Variants in TMEM144 observed in about 807,000 individuals in gnomAD.
TMEM144 encodes the protein transmembrane protein 144.
A neutral mutation model predicts 43.6 loss-of-function variants in TMEM144; 39 were observed. The observed-to-expected ratio is 0.90, with a 90% confidence interval of 0.69 to 1.17. The LOEUF is 1.17. TMEM144 is among the 50% of genes most tolerant of loss of function. TMEM144 has a pLI of 0.00. For missense variants in TMEM144, 417 were observed against 411.9 expected (o/e 1.01, Z -0.11); for synonymous variants, 154 against 133.6 (o/e 1.15, Z -1.06).
At chr4:158,250,285 T>G (rs1736139211) in intron 12 of TMEM144, among the ~76,000 whole-genome samples, 1 of 150,584 alleles carries the variant, frequency 6.6e-6, no homozygotes, top group South Asian at 2.1e-4. Flanking sequence ...AGACCTTTCC[T>G]TGGCAGTTTT....
Position 158,255,297 on chromosome 4 carries a change from T to C in TMEM144, c.*1770T>C, listed in dbSNP as rs1736425778. ...TGTGATACAAAAGCTATTTTTCTCA[T>C]TTAAATATATTTTAGAATTTTATAT... On this transcript the variant is annotated 3_prime_UTR_variant, in exon 13 of 13. Transcript: ENST00000296529. 2 of 151,826 alleles carry C rather than the reference T, an allele frequency of 1.3e-5. No homozygotes were observed. Among genetic ancestry groups the C allele is most frequent in the African/African-American group, 4.8e-5 (2 of 41,406 alleles). The allele number at this position is 151,826 out of a possible 1,614,324, so 9.4% of individuals were successfully genotyped here. A position where few individuals can be genotyped will look rare whatever the true frequency, so the allele number is the denominator to read the frequency against.
chr4:158,244,208 T>C, intron 11 of TMEM144, 88 bp from the exon 12 acceptor site: 1 of 959,100 alleles, frequency 1.0e-6, no homozygotes, highest in Non-Finnish European at 1.5e-6. Context: ...TGAAAATATG[T>C]TTATACTGTC....
rs990600356 is a variant in TMEM144 at position 158,254,520 on chromosome 4, G to A, written c.*993G>A. 4 of 150,868 alleles carry A rather than the reference G, an allele frequency of 2.7e-5. No homozygotes were observed. The highest frequency in any genetic ancestry group is 1.3e-4 in the Admixed American group (2 of 15,138). 9.3% of individuals were successfully genotyped at this position (150,868 alleles called of 1,614,324 possible). On this transcript the variant is annotated 3_prime_UTR_variant, in exon 13 of 13. Transcript: ENST00000296529. ...CTACTATAATCCCAGCTGCTGGGGCGGCTGAAGTAGGAGGGTCACTTAGCC... is the reference window on the plus strand; with the variant it reads ...CTACTATAATCCCAGCTGCTGGGGCAGCTGAAGTAGGAGGGTCACTTAGCC...
rs1735936071 is a variant in TMEM144 at position 158,247,248 on chromosome 4, A to C, written c.954+2899A>C. On this transcript the variant is annotated intron_variant, in intron 12 of 12. Transcript: ENST00000296529. ...GGTACAGTATGTCTATCAAAACAAAATAGCAATTATATACCTGAGTTTCAT... is the reference window on the plus strand; with the variant it reads ...GGTACAGTATGTCTATCAAAACAAACTAGCAATTATATACCTGAGTTTCAT... Among the ~76,000 whole-genome samples the C allele has an allele frequency of 3.3e-5, 5 of 152,150 alleles. No homozygotes were observed. In the South Asian group the frequency reaches 1.0e-3, roughly 32 times the overall value.
chr4:158,248,065 CTAAGA>C (rs761130051), intron 12 of TMEM144, among the ~76,000 whole-genome samples: 20 of 137,134 alleles, frequency 1.5e-4, no homozygotes, highest in Non-Finnish European at 2.5e-4. Context: ...AAAAAAATGA[CTAAGA>C]TAAGATTACA....
intron 9 of TMEM144, 94 bp downstream of exon 9, chr4:158,237,737 A>G: frequency 1.1e-6 from 1 of 881,952 alleles, no homozygotes; most frequent in Non-Finnish European, 1.7e-6. Context: ...GGTCGATTCG[A>G]TCTTTCTTTG....
chr4:158,244,616 G>A (rs1735795693), intron 12 of TMEM144, among the ~76,000 whole-genome samples: 2 of 152,166 alleles, frequency 1.3e-5, no homozygotes, highest in South Asian at 4.1e-4. Flanking sequence ...GTTGCAGTGA[G>A]TCAAGATCAC....
intron 12 of TMEM144, among the ~76,000 whole-genome samples, chr4:158,252,286 G>A (rs942519669): frequency 6.6e-6 from 1 of 152,134 alleles, no homozygotes; most frequent in Non-Finnish European, 1.5e-5. Flanking sequence ...ATACATAACT[G>A]AGCAAGTCCA....
intron 6 of TMEM144, among the ~76,000 whole-genome samples, chr4:158,225,553 C>T (rs547802933): frequency 5.3e-5 from 8 of 152,260 alleles, no homozygotes; most frequent in African/African-American, 1.7e-4. Context: ...GTTGAAAGAC[C>T]TATAAGGGGC....
intron 12 of TMEM144, 63 bp downstream of exon 12, chr4:158,244,412 C>T (rs538847645): frequency 3.3e-5 from 47 of 1,404,246 alleles, no homozygotes; most frequent in Admixed American, 1.4e-4. Context: ...TGGTGGCTCA[C>T]GCTTGTCCTG....
Position 158,237,548 on chromosome 4 carries a change from C to A in TMEM144, c.587C>A (p.Ser196Tyr). The change falls in exon 9 of 13, where the codon TCT becomes TAT. Residue 196 changes from serine to tyrosine, a missense_variant. Physicochemically the swap from Ser to Tyr is moderately radical, Grantham distance 144 (BLOSUM62 -2). Coordinates refer to ENST00000296529, the MANE Select transcript of TMEM144 (RefSeq NM_018342.5). ...AGGGGCTGCAGTCTTGCAGTGATAT[C>A]TGGAGTACTCTATGGATCTACATTT... ...RIVGCSLAVISGVLYGSTFVP... is the reference protein window; with the variant it reads ...RIVGCSLAVIYGVLYGSTFVP... 6.2e-7 allele frequency: 1 copy of A among 1,613,680 alleles called. No individual in the cohort carries two copies. Among genetic ancestry groups the A allele is most frequent in the Non-Finnish European group, 8.5e-7 (1 of 1,179,694 alleles).
chr4:158,222,077 T>TA (rs1291116185), intron 6 of TMEM144, among the ~76,000 whole-genome samples: 1 of 151,590 alleles, frequency 6.6e-6, no homozygotes, highest in Admixed American at 6.6e-5. Context: ...ACTATTCCTG[T>TA]AAAAAAAATT....
chr4:158,226,994 A>ATACATGT (rs1734805546), intron 6 of TMEM144, among the ~76,000 whole-genome samples: 1 of 152,186 alleles, frequency 6.6e-6, no homozygotes, highest in South Asian at 2.1e-4. Context: ...AGTTAGTATA[A>ATACATGT]TACATGTTAC....
intron 6 of TMEM144, 51 bp downstream of exon 6, chr4:158,219,441 C>T: frequency 6.6e-7 from 1 of 1,521,180 alleles, no homozygotes. Flanking sequence ...ATGGAGAGTG[C>T]TTTTTTAAGG....
At chr4:158,249,931 TGTTTAAA>T in intron 12 of TMEM144, among the ~76,000 whole-genome samples, 1 of 142,700 alleles carries the variant, frequency 7.0e-6, no homozygotes, top group Admixed American at 7.1e-5. Context: ...TGTGTGTGTG[TGTTTAAA>T]TAAGCTGTTC....
At chr4:158,221,962 C>A (rs1428845282) in intron 6 of TMEM144, among the ~76,000 whole-genome samples, 1 of 152,216 alleles carries the variant, frequency 6.6e-6, no homozygotes, top group Non-Finnish European at 1.5e-5. Flanking sequence ...CTGGACCCTT[C>A]CCTGCAAACT....
At chr4:158,244,476 C>T in intron 12 of TMEM144, 127 bp downstream of exon 12, 1 of 670,024 alleles carries the variant, frequency 1.5e-6, no homozygotes, top group Middle Eastern at 2.8e-4. Flanking sequence ...TCAAGACCAG[C>T]CTGGCCGAGA....
rs1735558157 is a variant in TMEM144, at chr4:158,240,174, T to C, written c.683-125T>C. The C allele has an allele frequency of 6.1e-6, 7 of 1,154,806 alleles. No individual in the cohort carries two copies. In the South Asian group the frequency reaches 9.5e-5, roughly 16 times the overall value. 71.5% of individuals were successfully genotyped at this position (1,154,806 alleles called of 1,614,324 possible). On this transcript the variant is annotated intron_variant, in intron 9 of 12. Transcript: ENST00000296529. ...TGCTAGGATTACAGGTGTGAGCCAC[T>C]GCGCTCTGCCTAATTAATGGTTTAT...
chr4:158,231,202 T>A (rs1735062294), intron 6 of TMEM144, among the ~76,000 whole-genome samples: 1 of 152,026 alleles, frequency 6.6e-6, no homozygotes, highest in Non-Finnish European at 1.5e-5. Context: ...GTTGTTGGAG[T>A]AACTGATCTA....
Sources: allele counts gnomAD v4.1 joint callset (sites outside exome capture counted in the v4.1 genomes callset), GRCh38; gene constraint gnomAD v4.1.1; transcripts MANE v1.5; gene names NCBI Gene and HGNC (gene_info 2026-07-23, HGNC 2026-07-21).